GMDS: variants seen among roughly 807,000 people sequenced by gnomAD.
GMDS encodes GDP-mannose 4,6-dehydratase, also known as GDP-mannose 4,6 dehydratase.
In GMDS, 20 loss-of-function variants were observed where a neutral mutation model predicts 49.9. The observed-to-expected ratio is 0.40, with a 90% CI of 0.28 to 0.58. The LOEUF (loss-of-function observed/expected upper bound fraction) is 0.58, where lower values mean the gene tolerates loss of function less well. Among genes scored for constraint, GMDS ranks in the 20% least tolerant of loss-of-function variants. The pLI is 0.42. For missense variants in GMDS, 362 were observed against 481.4 expected, an observed-to-expected ratio of 0.75 and a Z score of 2.32; for synonymous variants, 177 against 178.6, an observed-to-expected ratio of 0.99 and a Z score of 0.07.
chr6:2,008,813 C>T (rs1333233634), intron 4 of GMDS, among the ~76,000 whole-genome samples: 1 of 146,666 alleles, frequency 6.8e-6, no homozygotes, highest in Non-Finnish European at 1.5e-5. Flanking sequence ...ACATGTGCTC[C>T]ACAGCACTGA....
intron 7 of GMDS, among the ~76,000 whole-genome samples, chr6:1,851,891 G>A (rs1239917328): frequency 1.3e-5 from 2 of 152,160 alleles, no homozygotes; most frequent in African/African-American, 2.4e-5. Context: ...GCAGACATCC[G>A]GAGCAGGCAC....
intron 4 of GMDS, among the ~76,000 whole-genome samples, chr6:2,092,373 C>T (rs1294373945): frequency 6.6e-6 from 1 of 152,208 alleles, no homozygotes; most frequent in Non-Finnish European, 1.5e-5. Flanking sequence ...CCTGACATCA[C>T]TCTTTCCCCT....
At chr6:1,655,366 C>CT (rs1326457205) in intron 9 of GMDS, among the ~76,000 whole-genome samples, 1 of 152,092 alleles carries the variant, frequency 6.6e-6, no homozygotes, top group Non-Finnish European at 1.5e-5. Flanking sequence ...AGGCTACTCA[C>CT]TAAGCTATTT....
chr6:1,800,305 G>C (rs1390756874), intron 7 of GMDS, among the ~76,000 whole-genome samples: 1 of 152,204 alleles, frequency 6.6e-6, no homozygotes, highest in Non-Finnish European at 1.5e-5. Context: ...ATATTGGTGA[G>C]CTTCTTCAAC....
intron 9 of GMDS, among the ~76,000 whole-genome samples, chr6:1,708,698 T>C (rs889560589): frequency 4.6e-5 from 7 of 152,218 alleles, no homozygotes; most frequent in African/African-American, 1.4e-4. Flanking sequence ...CAAGGGCACA[T>C]GAAAGAAAGG....
At chr6:1,917,330 G>A (rs1021837075) in intron 7 of GMDS, among the ~76,000 whole-genome samples, 1 of 152,196 alleles carries the variant, frequency 6.6e-6, no homozygotes, top group Non-Finnish European at 1.5e-5. Context: ...AGCAGGGCTG[G>A]AACCCACTGC....
intron 7 of GMDS, among the ~76,000 whole-genome samples, chr6:1,891,668 C>T (rs2113841283): frequency 6.6e-6 from 1 of 152,280 alleles, no homozygotes; most frequent in East Asian, 1.9e-4. Context: ...AATGTGGGAG[C>T]AAGAGTAGCA....
At chr6:2,098,558 T>C (rs1260133282) in intron 4 of GMDS, among the ~76,000 whole-genome samples, 1 of 152,218 alleles carries the variant, frequency 6.6e-6, no homozygotes, top group Non-Finnish European at 1.5e-5. Context: ...AAAGTCTAAT[T>C]TTTATACGCT....
intron 9 of GMDS, among the ~76,000 whole-genome samples, chr6:1,723,106 A>G (rs189713997): frequency 8.9e-4 from 135 of 152,298 alleles, no homozygotes; most frequent in African/African-American, 3.2e-3. Context: ...ATGAGGAAAA[A>G]GAAATTACCA....
chr6:1,812,938 T>C (rs181682566), intron 7 of GMDS, among the ~76,000 whole-genome samples: 23 of 152,272 alleles, frequency 1.5e-4, no homozygotes, highest in African/African-American at 5.5e-4. Flanking sequence ...AAATAAGTTA[T>C]TAAGCCAAGC....
chr6:2,161,670 A>G (rs1217374441), intron 1 of GMDS, among the ~76,000 whole-genome samples: 1 of 152,234 alleles, frequency 6.6e-6, no homozygotes, highest in East Asian at 1.9e-4. Context: ...TGACCTTCAA[A>G]CCAATCAGTC....
chr6:1,814,714 A>C (rs893318525), intron 7 of GMDS, among the ~76,000 whole-genome samples: 4 of 152,210 alleles, frequency 2.6e-5, no homozygotes, highest in Admixed American at 6.5e-5. Flanking sequence ...ATTATACTAA[A>C]TCTTTAGATG....
At chr6:2,137,351 T>G (rs78040069) in intron 1 of GMDS, among the ~76,000 whole-genome samples, 2 of 142,698 alleles carry the variant, frequency 1.4e-5, no homozygotes, top group Non-Finnish European at 3.0e-5. Context: ...TTTTTTTTTT[T>G]GGATGGAGTT....
At chr6:1,820,565 C>T (rs1045920532) in intron 7 of GMDS, among the ~76,000 whole-genome samples, 1 of 152,156 alleles carries the variant, frequency 6.6e-6, no homozygotes, top group Non-Finnish European at 1.5e-5. Context: ...CTGTTTACTG[C>T]AATTCCATAC....
intron 9 of GMDS, among the ~76,000 whole-genome samples, chr6:1,643,105 C>G (rs769842659): frequency 6.6e-6 from 1 of 152,174 alleles, no homozygotes; most frequent in Non-Finnish European, 1.5e-5. Flanking sequence ...CCCAGAGAAA[C>G]TGGTGATTCT....
At position 1,885,234 on chromosome 6, in the gene GMDS, G is replaced by T. The variant is rs190168724; in HGVS notation, c.771+44869C>A. On this transcript the variant is annotated intron_variant, in intron 7 of 10. Coordinates refer to ENST00000380815, the MANE Select transcript of GMDS (RefSeq NM_001500.4). ...GTAATTTATTAGAAAAGCCTGCATG[G>T]AAATTAATTTACAGCCTAGTTATCT... Among the ~76,000 whole-genome samples, 1,136 of 152,256 alleles carry T rather than the reference G, an allele frequency of 7.5e-3. 14 individuals carry two copies. The highest frequency in any genetic ancestry group is 0.026 in the African/African-American group (1,094 of 41,550).
chr6:2,108,268 T>C (rs1446644168), intron 4 of GMDS, among the ~76,000 whole-genome samples: 1 of 152,208 alleles, frequency 6.6e-6, no homozygotes, highest in Admixed American at 6.5e-5. Flanking sequence ...AAGCTGCTCA[T>C]TCTAACAACG....
intron 4 of GMDS, among the ~76,000 whole-genome samples, chr6:1,973,149 C>T (rs867690686): frequency 6.6e-6 from 1 of 152,252 alleles, no homozygotes; most frequent in South Asian, 2.1e-4. Context: ...GACCTAAAAG[C>T]ATCATTGCTA....
At chr6:1,985,260 A>G (rs1323502541) in intron 4 of GMDS, among the ~76,000 whole-genome samples, 1 of 152,188 alleles carries the variant, frequency 6.6e-6, no homozygotes, top group Non-Finnish European at 1.5e-5. Flanking sequence ...TATGCCACCA[A>G]TATAGAACTA....
Sources: allele counts gnomAD v4.1 joint callset (sites outside exome capture counted in the v4.1 genomes callset), GRCh38; gene constraint gnomAD v4.1.1; transcripts MANE v1.5; gene names NCBI Gene and HGNC (gene_info 2026-07-23, HGNC 2026-07-21).